AHNAK: variants seen among roughly 807,000 people sequenced by gnomAD.
AHNAK encodes the protein neuroblast differentiation-associated protein AHNAK.
Under a neutral mutation model 37.8 loss-of-function variants are expected in AHNAK, and 23 were observed. That is an observed-to-expected ratio of 0.61 (90% confidence interval 0.44 to 0.86). The LOEUF is 0.86. Among genes scored for constraint, AHNAK ranks in the 40% least tolerant of loss-of-function variants. AHNAK has a pLI of 0.00. For synonymous variants in AHNAK, 2,481 were observed against 2,636.3 expected, an observed-to-expected ratio of 0.94 and a Z score of 1.80; for missense variants, 7,411 against 7,319.4, an observed-to-expected ratio of 1.01 and a Z score of -0.46.
At chr11:62,449,556 C>G (rs1333244863) in intron 5 of AHNAK, among the ~76,000 whole-genome samples, 2 of 152,206 alleles carry the variant, frequency 1.3e-5, no homozygotes, top group Non-Finnish European at 2.9e-5. Flanking sequence ...GGGGCAGAGG[C>G]TGGTAGTGCA....
At position 62,535,146 on chromosome 11, in the gene AHNAK, A is replaced by G; in HGVS notation, c.199T>C (p.Ser67Pro). Residue 67 changes from serine to proline, a missense_variant, in exon 4 of 5, where the codon TCG becomes CCG. Ser to Pro is a moderately conservative substitution (Grantham distance 74). Transcript: ENST00000378024. ...GATIYFDNLQ[S>P]GEVTQLLNTM... Reference sequence around the variant, plus strand: ...TTCAGCAGCTGGGTCACCTCACCCGACTGCAGGTTGTCAAAGTAGATGGTG... The same window carrying G: ...TTCAGCAGCTGGGTCACCTCACCCGGCTGCAGGTTGTCAAAGTAGATGGTG... 6.2e-7 allele frequency: 1 copy of G among 1,612,838 alleles called. No homozygotes were observed. Among genetic ancestry groups the G allele is most frequent in the Non-Finnish European group, 8.5e-7 (1 of 1,178,964 alleles).
intron 5 of AHNAK, among the ~76,000 whole-genome samples, chr11:62,461,143 CTT>C (rs71056521): frequency 1.6e-4 from 13 of 79,834 alleles, no homozygotes; most frequent in Non-Finnish European, 2.0e-4. Flanking sequence ...CCAAATTCCC[CTT>C]TTTTTTTTTT....
At chr11:62,486,895 C>G (rs1939406909) in intron 5 of AHNAK, among the ~76,000 whole-genome samples, 1 of 151,882 alleles carries the variant, frequency 6.6e-6, no homozygotes, top group Non-Finnish European at 1.5e-5. Context: ...GCTGTGAGTA[C>G]AGGAATATCT....
chr11:62,467,137 G>C (rs1343019279), intron 5 of AHNAK, among the ~76,000 whole-genome samples: 2 of 150,004 alleles, frequency 1.3e-5, no homozygotes, highest in African/African-American at 2.5e-5. Flanking sequence ...CCAGGAGGCA[G>C]AGAGGCAAAG....
chr11:62,490,082 G>T (rs768844341), intron 5 of AHNAK, among the ~76,000 whole-genome samples: 1 of 151,956 alleles, frequency 6.6e-6, no homozygotes, highest in Non-Finnish European at 1.5e-5. Context: ...GTGAAGGGAA[G>T]ATGAGGAAGA....
At position 62,529,769 on chromosome 11, in the gene AHNAK, C is replaced by T. The variant is rs1436951172; in HGVS notation, c.4648G>A (p.Val1550Ile). ...GVSGPKVDID[V>I]PDVNLEAPEG... ...GGAGCTTCAAGATTCACATCTGGAA[C>T]ATCAATGTCCACCTTGGGTCCTGAA... Residue 1550 changes from valine (V) to isoleucine (I), a missense_variant, in exon 5 of 5, where the codon GTT becomes ATT. By Grantham distance (29) the Val-to-Ile change is conservative. Coordinates refer to ENST00000378024, the MANE Select transcript of AHNAK (RefSeq NM_001620.3). 2.5e-6 allele frequency: 4 copies of T among 1,614,066 alleles called. No individual in the cohort carries two copies. Among genetic ancestry groups the T allele is most frequent in the Non-Finnish European group, 3.4e-6 (4 of 1,180,050 alleles).
chr11:62,503,932 G>T (rs924746316), intron 4 of AHNAK, among the ~76,000 whole-genome samples: 1 of 152,032 alleles, frequency 6.6e-6, no homozygotes, highest in African/African-American at 2.4e-5. Flanking sequence ...AGGCCGAGGC[G>T]GGTGGATCAC....
At chr11:62,433,986 A>G (rs4084164) in intron 5 of AHNAK, 855,473 of 1,518,062 alleles carry the variant, frequency 0.56, 248,715 homozygotes, top group Non-Finnish European at 0.61. Context: ...ACCAACTGAA[A>G]GAAGGTCCCC....
chr11:62,437,028 T>C (rs1433762416), intron 5 of AHNAK, among the ~76,000 whole-genome samples: 1 of 152,010 alleles, frequency 6.6e-6, no homozygotes, highest in Non-Finnish European at 1.5e-5. Flanking sequence ...AAATAGGCAT[T>C]TCTATAACCA....
Position 62,532,406 on chromosome 11 carries a change from C to T in AHNAK, c.2011G>A (p.Val671Ile). ...TTTCCCCCCAGACCCTCCAAGTTGA[C>T]ATCTGGGGCTTCCACATTGACCTTG... The part of the protein sequence containing the change: ...GPKVNVEAPD[V>I]NLEGLGGKLK... Residue 671 changes from valine (V) to isoleucine (I), a missense_variant, in exon 5 of 5, where the codon GTC (valine) becomes ATC (isoleucine). Coordinates refer to ENST00000378024, the MANE Select transcript of AHNAK (RefSeq NM_001620.3). The T allele has an allele frequency of 1.2e-6, 2 of 1,614,190 alleles. No individual in the cohort carries two copies. Among genetic ancestry groups the T allele is most frequent in the Non-Finnish European group, 1.7e-6 (2 of 1,180,048 alleles).
At chr11:62,484,739 A>T (rs1712451286) in intron 5 of AHNAK, among the ~76,000 whole-genome samples, 1 of 152,160 alleles carries the variant, frequency 6.6e-6, no homozygotes, top group Non-Finnish European at 1.5e-5. Flanking sequence ...GAAGGTCATG[A>T]GTGAGGCATG....
intron 5 of AHNAK, among the ~76,000 whole-genome samples, chr11:62,455,461 A>G (rs1466279691): frequency 1.3e-5 from 2 of 151,452 alleles, no homozygotes; most frequent in African/African-American, 2.4e-5. Flanking sequence ...ATCCCAGCAC[A>G]TTGGGAGGTC....
Position 62,455,847 on chromosome 11 carries a change from G to A in AHNAK, c.443-21956C>T, listed in dbSNP as rs185957796. 1.9e-4 allele frequency among the ~76,000 whole-genome samples: 28 copies of A among 144,768 alleles called. No homozygotes were observed. The East Asian group carries it at 5.1e-3, about 26-fold the overall frequency. The allele number at this position is 144,768 out of a possible 152,430, so 95.0% of individuals were successfully genotyped here. ...ACCATTGCACTCCAGCCTGGGTAAC[G>A]AGCAAATCTCCATCCCCCCAAAAAA... is the stretch of plus-strand genomic sequence containing the variant. On this transcript the variant is annotated intron_variant, in intron 5 of 5. Coordinates refer to the AHNAK transcript ENST00000257247.
chr11:62,529,319 C>T lies in AHNAK; in HGVS notation c.5098G>A (p.Asp1700Asn). The change falls in exon 5 of 5, where the codon GAT becomes AAT. Residue 1700 changes from aspartate (D) to asparagine (N), a missense_variant. Transcript: ENST00000378024. ...KGPKVDIDAP[D>N]VEVHDPDWHL... ...CAATCTGGGTCGTGAACCTCCACAT[C>T]TGGGGCATCAATGTCCACTTTGGGC... 6.2e-7 allele frequency: 1 copy of T among 1,614,110 alleles called. No individual in the cohort carries two copies. The highest frequency in any genetic ancestry group is 8.5e-7 in the Non-Finnish European group (1 of 1,180,022).
At chr11:62,491,350 C>T (rs2134895007) in intron 5 of AHNAK, among the ~76,000 whole-genome samples, 1 of 152,282 alleles carries the variant, frequency 6.6e-6, no homozygotes, top group South Asian at 2.1e-4. Context: ...AGATCTTCCA[C>T]TAGGAGTAGA....
Position 62,504,342 on chromosome 11 carries a change from C to A in AHNAK, c.343-12511G>T, listed in dbSNP as rs370264434. 6.6e-5 allele frequency among the ~76,000 whole-genome samples: 10 copies of A among 152,024 alleles called. No individual in the cohort carries two copies. In the East Asian group the frequency reaches 1.9e-3, roughly 29 times the overall value. ...GGCCCCCCAGCAAATTTACCCAGAG[C>A]TTATCCCACCTGGGGCTCCTCCCTC... On this transcript the variant is annotated intron_variant, in intron 4 of 5. Transcript: ENST00000257247.
At chr11:62,459,915 G>A (rs1324332381) in intron 5 of AHNAK, among the ~76,000 whole-genome samples, 12 of 152,100 alleles carry the variant, frequency 7.9e-5, no homozygotes, top group Non-Finnish European at 1.2e-4. Context: ...GGAGGCGGGC[G>A]GATCACCTGA....
rs183020940 is a variant in AHNAK, at chr11:62,452,130, A to C, written c.443-18239T>G. Reference sequence around the variant, plus strand: ...CCCAGCCTGCAAACTAATCTTAAGAAGCCTGCCTGGCAGGGCACAAATCCC... The same window carrying C: ...CCCAGCCTGCAAACTAATCTTAAGACGCCTGCCTGGCAGGGCACAAATCCC... On this transcript the variant is annotated intron_variant, in intron 5 of 5. Transcript: ENST00000257247. Among the ~76,000 whole-genome samples, 284 of 152,278 alleles carry C rather than the reference A, an allele frequency of 1.9e-3. 3 individuals carry two copies. The highest frequency in any genetic ancestry group is 6.4e-3 in the African/African-American group (268 of 41,554).
At chr11:62,470,218 T>C (rs1939004587) in intron 5 of AHNAK, among the ~76,000 whole-genome samples, 1 of 152,024 alleles carries the variant, frequency 6.6e-6, no homozygotes, top group Admixed American at 6.6e-5. Flanking sequence ...GAAGCTGAGG[T>C]GGGCAGATCA....
Sources: allele counts gnomAD v4.1 joint callset (sites outside exome capture counted in the v4.1 genomes callset), GRCh38; gene constraint gnomAD v4.1.1; transcripts MANE v1.5; gene names NCBI Gene and HGNC (gene_info 2026-07-23, HGNC 2026-07-21).